The following CADPS variants were observed in gnomAD, a reference collection of about 807,000 sequenced individuals.
CADPS encodes the protein calcium-dependent secretion activator 1.
A neutral mutation model predicts 167.3 loss-of-function variants in CADPS; 57 were observed. The observed-to-expected ratio is 0.34, with a 90% CI of 0.28 to 0.42. CADPS has a LOEUF of 0.42. Ranked by LOEUF, CADPS falls within the 20% of genes least tolerant of loss-of-function variation. The pLI is 1.00. For synonymous variants in CADPS, 676 were observed against 635.3 expected (o/e 1.06, Z -0.96); for missense variants, 1,414 against 1,738.1 (o/e 0.81, Z 3.32).
Position 62,455,993 on chromosome 3 carries a change from TTCTC to T in CADPS, c.3636+9370_3636+9373del, listed in dbSNP as rs745358047. The stretch of plus-strand genomic sequence containing the variant: ...TGGGTTTGTAACACAGTGGTTTGGT[TTCTC>T]TCTCTCTCTCTTTTTTGTTTTCATT... On this transcript the variant is annotated intron_variant, in intron 26 of 29. Transcript: ENST00000383710. This position sits in a 1 kb window ranked among gnomAD's most constrained non-coding sequence, Gnocchi z 4.4. Among the ~76,000 whole-genome samples, 7 of 151,994 alleles carry T rather than the reference TTCTC, an allele frequency of 4.6e-5. No homozygotes were observed. Among genetic ancestry groups the T allele is most frequent in the Admixed American group, 1.3e-4 (2 of 15,254 alleles).
At chr3:62,554,461 C>T (rs2077790797) in intron 10 of CADPS, among the ~76,000 whole-genome samples, 3 of 152,100 alleles carry the variant, frequency 2.0e-5, no homozygotes, top group South Asian at 4.1e-4. Context: ...CACACAAAAT[C>T]GCCACCAGGT....
chr3:62,519,339 A>T (rs1358855299), intron 13 of CADPS, among the ~76,000 whole-genome samples: 1 of 152,204 alleles, frequency 6.6e-6, no homozygotes, highest in Non-Finnish European at 1.5e-5. Context: ...AAAATCCTTT[A>T]TACTAGACCA....
intron 3 of CADPS, among the ~76,000 whole-genome samples, chr3:62,677,486 T>C (rs978310522): frequency 6.6e-6 from 1 of 152,206 alleles, no homozygotes; most frequent in African/African-American, 2.4e-5. Context: ...GAGACATTTT[T>C]CGTTGTCACA....
chr3:62,560,978 C>T (rs2079047180), intron 9 of CADPS, among the ~76,000 whole-genome samples: 1 of 148,438 alleles, frequency 6.7e-6, no homozygotes, highest in East Asian at 2.0e-4. Context: ...ACTCCGGAGG[C>T]TGAGGCAGGA....
At chr3:62,762,733 G>C (rs138417656) in intron 2 of CADPS, among the ~76,000 whole-genome samples, 1 of 152,010 alleles carries the variant, frequency 6.6e-6, no homozygotes, top group African/African-American at 2.4e-5. Flanking sequence ...TTTATATCAG[G>C]GACTTGAGCG....
chr3:62,604,020 C>T (rs149022909), intron 6 of CADPS, among the ~76,000 whole-genome samples: 2,673 of 151,460 alleles, frequency 0.018, 41 homozygotes, highest in Admixed American at 0.047. Flanking sequence ...TTAGTGGAGA[C>T]GGGGTTTCAC....
chr3:62,762,605 G>GT (rs1294018250), intron 2 of CADPS, among the ~76,000 whole-genome samples: 3 of 146,384 alleles, frequency 2.0e-5, no homozygotes, highest in African/African-American at 7.6e-5. Context: ...GCAGTGAGCT[G>GT]TGATTATATG....
chr3:62,652,407 A>C (rs977325684), intron 4 of CADPS, among the ~76,000 whole-genome samples: 107 of 150,936 alleles, frequency 7.1e-4, no homozygotes, highest in Admixed American at 1.9e-3. Context: ...GCCAAAAAAA[A>C]AAAAAAAAAA....
chr3:62,597,876 C>T (rs541991801), intron 6 of CADPS, among the ~76,000 whole-genome samples: 7 of 152,176 alleles, frequency 4.6e-5, no homozygotes, highest in African/African-American at 1.4e-4. Context: ...GTAACCTGGT[C>T]CAGTGAAGCA....
At chr3:62,791,310 G>A (rs1397373543) in intron 1 of CADPS, among the ~76,000 whole-genome samples, 4 of 152,158 alleles carry the variant, frequency 2.6e-5, no homozygotes, top group African/African-American at 7.2e-5. Context: ...TAGTGTGAAT[G>A]AAGAACTGAA....
chr3:62,487,963 T>A (rs1194445322), intron 21 of CADPS, among the ~76,000 whole-genome samples: 2 of 152,230 alleles, frequency 1.3e-5, no homozygotes, highest in African/African-American at 2.4e-5. Flanking sequence ...TGCATTTCAT[T>A]ACAATGCATT....
At chr3:62,798,429 T>C (rs900849628) in intron 1 of CADPS, among the ~76,000 whole-genome samples, 1 of 152,132 alleles carries the variant, frequency 6.6e-6, no homozygotes, top group South Asian at 2.1e-4. Context: ...CTCTTGGGCT[T>C]ACACCAGTGA....
rs116653337 is a variant in CADPS at position 62,520,448 on chromosome 3, C to T, written c.2292-2198G>A. Among the ~76,000 whole-genome samples the T allele has an allele frequency of 5.1e-3, 778 of 152,318 alleles. 6 individuals are homozygous for T. Among genetic ancestry groups the T allele is most frequent in the African/African-American group, 0.017 (725 of 41,586 alleles). ...AAGTATCAGATAGCAGCTTCTGCTT[C>T]GCTGATAACCTCTCCTCGTACTACT... On this transcript the variant is annotated intron_variant, in intron 13 of 29. Transcript: ENST00000383710.
Position 62,403,077 on chromosome 3 carries a change from T to C in CADPS, c.3882+4A>G. The stretch of plus-strand genomic sequence containing the variant: ...CAAAGAAGAATAATAATCTTTTCTT[T>C]TACCTTTACCATCCTAATTAGTGTT... On this transcript the variant is annotated splice_donor_region_variant and intron_variant, in intron 29 of 29. Coordinates refer to ENST00000383710, the MANE Select transcript of CADPS (RefSeq NM_003716.4). 6.4e-7 allele frequency: 1 copy of C among 1,558,782 alleles called. No homozygotes were observed.
At chr3:62,668,232 T>C (rs948732152) in intron 3 of CADPS, among the ~76,000 whole-genome samples, 2 of 152,236 alleles carry the variant, frequency 1.3e-5, no homozygotes, top group African/African-American at 4.8e-5. Flanking sequence ...AACCTATGGT[T>C]CTGAGCTTCA....
At chr3:62,451,942 TG>T (rs1391854691) in intron 26 of CADPS, among the ~76,000 whole-genome samples, 3 of 152,208 alleles carry the variant, frequency 2.0e-5, no homozygotes, top group African/African-American at 7.2e-5. Flanking sequence ...CGTCTCCTGT[TG>T]GTTTGATTTT....
Position 62,516,100 on chromosome 3 carries a change from A to G in CADPS, c.2540T>C (p.Leu847Ser), listed in dbSNP as rs2068917081. Residue 847 changes from leucine (L) to serine (S), a missense_variant, in exon 16 of 30, where the codon TTA becomes TCA. Around this residue, in one of 6 missense-constraint regions of CADPS, gnomAD observed 529 missense variants for 629.6 expected, o/e 0.84. Transcript: ENST00000383710. ...VIRKCLEQAA[L>S]VNYSRLSEYA... ...CTCTGAGAGCCGAGAATAGTTGACT[A>G]ACGCAGCCTGTTCCAGACATTTACG... is the stretch of plus-strand genomic sequence containing the variant. The G allele has an allele frequency of 6.2e-7, 1 of 1,613,348 alleles. No homozygotes were observed.
intron 9 of CADPS, among the ~76,000 whole-genome samples, chr3:62,569,937 G>A (rs2080982433): frequency 6.6e-6 from 1 of 152,074 alleles, no homozygotes; most frequent in Non-Finnish European, 1.5e-5. Flanking sequence ...GTCTTTCAAG[G>A]ACAGGTATTA....
At chr3:62,542,095 A>G (rs1392124487) in intron 11 of CADPS, among the ~76,000 whole-genome samples, 2 of 152,158 alleles carry the variant, frequency 1.3e-5, no homozygotes, top group African/African-American at 2.4e-5. Context: ...TTCACTGTTG[A>G]AAATAATTAT....
Sources: allele counts gnomAD v4.1 joint callset (sites outside exome capture counted in the v4.1 genomes callset), GRCh38; gene constraint gnomAD v4.1.1; regional missense constraint gnomAD v4.1.1; non-coding constraint Gnocchi (gnomAD v3.1); transcripts MANE v1.5; gene names NCBI Gene and HGNC (gene_info 2026-07-23, HGNC 2026-07-21).